Variants in SCTR observed in about 807,000 individuals in gnomAD.
The protein encoded by SCTR is pancreatic secretin receptor.
Under a neutral mutation model 60.8 loss-of-function variants are expected in SCTR, and 56 were observed. The ratio of observed to expected loss-of-function variants is 0.92; its 90% CI spans 0.74 to 1.15. SCTR has a LOEUF of 1.15. Ranked by LOEUF, SCTR falls within the 50% of genes most tolerant of loss-of-function variation. The pLI is 0.00. For synonymous variants in SCTR, 202 were observed against 217.0 expected (o/e 0.93, Z 0.61); for missense variants, 562 against 550.4 (o/e 1.02, Z -0.21).
At chr2:119,464,380 C>A in intron 5 of SCTR, 125 bp from the exon 6 acceptor site, 3 of 873,654 alleles carry the variant, frequency 3.4e-6, no homozygotes, top group Non-Finnish European at 3.6e-6. Flanking sequence ...CCGGGTAACA[C>A]ATTCTGTGAG....
chr2:119,523,761 G>T (rs1205289093), intron 1 of SCTR, among the ~76,000 whole-genome samples: 1 of 152,048 alleles, frequency 6.6e-6, no homozygotes, highest in Non-Finnish European at 1.5e-5. Context: ...GTAAAGTGAC[G>T]GTGATAATAG....
At chr2:119,511,041 CAA>C (rs1362103975) in intron 1 of SCTR, among the ~76,000 whole-genome samples, 1 of 143,202 alleles carries the variant, frequency 7.0e-6, no homozygotes. Flanking sequence ...ACTAAAAATA[CAA>C]AAAAAAAAAA....
rs376642791 is a variant in SCTR, at chr2:119,464,123, C to G, written c.636G>C (p.Arg212Ser). ...SDDVTYCDAH[R>S]AGCKLVMVLF... The stretch of plus-strand genomic sequence containing the variant: ...ATCCTGGGGCACCCAGACATATTAC[C>G]CTGTGGGCATCGCAGTAGGTGACAT... Residue 212 changes from arginine to serine, a missense_variant and splice_region_variant, in exon 6 of 13, where the codon AGG (arginine) becomes AGC (serine). Physicochemically the swap from Arg to Ser is moderately radical, Grantham distance 110. Transcript: ENST00000019103. 6.2e-7 allele frequency: 1 copy of G among 1,614,126 alleles called. No individual in the cohort carries two copies. The highest frequency in any genetic ancestry group is 8.5e-7 in the Non-Finnish European group (1 of 1,180,026).
intron 4 of SCTR, among the ~76,000 whole-genome samples, chr2:119,468,135 T>C (rs573961270): frequency 7.2e-5 from 11 of 152,252 alleles, no homozygotes; most frequent in Non-Finnish European, 1.3e-4. Flanking sequence ...CTTTGTATTA[T>C]AGGCTTGCAA....
intron 5 of SCTR, among the ~76,000 whole-genome samples, chr2:119,465,215 C>G (rs1175925609): frequency 6.6e-6 from 1 of 152,164 alleles, no homozygotes; most frequent in African/African-American, 2.4e-5. Context: ...GGGGAAGAGG[C>G]TCTTGTTGGC....
At position 119,462,748 on chromosome 2, in the gene SCTR, G is replaced by A. The variant is rs191697342; in HGVS notation, c.637-748C>T. On this transcript the variant is annotated intron_variant, in intron 6 of 12. Coordinates refer to ENST00000019103, the MANE Select transcript of SCTR (RefSeq NM_002980.3). ...GGACAGCTCCCGGGATAGCCGTAGGGCTGCTGCAAAGACAAGCCCGAGAAG... is the reference window on the plus strand; with the variant it reads ...GGACAGCTCCCGGGATAGCCGTAGGACTGCTGCAAAGACAAGCCCGAGAAG... Among the ~76,000 whole-genome samples the A allele has an allele frequency of 2.4e-3, 364 of 152,354 alleles. 3 individuals are homozygous for A. The highest frequency in any genetic ancestry group is 8.3e-3 in the African/African-American group (344 of 41,586).
intron 2 of SCTR, chr2:119,484,753 G>A (rs1043640697): frequency 3.0e-4 from 45 of 152,024 alleles, no homozygotes; most frequent in Middle Eastern, 3.2e-3. Flanking sequence ...AAAACTTCCT[G>A]GCTTAGGTTT....
rs138508985 is a variant in SCTR at position 119,497,788 on chromosome 2, G to A, written c.73-3240C>T. Among the ~76,000 whole-genome samples, 486 of 152,220 alleles carry A rather than the reference G, an allele frequency of 3.2e-3. 2 individuals are homozygous for A. Among genetic ancestry groups the A allele is most frequent in the Non-Finnish European group, 5.8e-3 (397 of 68,000 alleles). The stretch of plus-strand genomic sequence containing the variant: ...GAAGGGTGGATAGAGAAAAGAAGCA[G>A]TGACCTAGAAGATAGAACACTAGAA... On this transcript the variant is annotated intron_variant, in intron 1 of 12. Transcript: ENST00000019103.
chr2:119,498,670 T>G (rs1356944254), intron 1 of SCTR, among the ~76,000 whole-genome samples: 1 of 152,068 alleles, frequency 6.6e-6, no homozygotes, highest in Non-Finnish European at 1.5e-5. Flanking sequence ...TAGCCTATTA[T>G]AAGTTATGTA....
intron 5 of SCTR, among the ~76,000 whole-genome samples, chr2:119,465,259 GCAACTGC>G (rs1298531696): frequency 2.6e-5 from 4 of 152,200 alleles, no homozygotes; most frequent in African/African-American, 9.6e-5. Context: ...ATGAATGCCA[GCAACTGC>G]TGGTGGTTGT....
intron 6 of SCTR, among the ~76,000 whole-genome samples, chr2:119,463,142 A>G (rs1422784092): frequency 6.6e-6 from 1 of 152,132 alleles, no homozygotes; most frequent in Non-Finnish European, 1.5e-5. Flanking sequence ...GGTTGGCTGA[A>G]CTAATCTCAA....
Position 119,464,151 on chromosome 2 carries a change from T to A in SCTR, c.608A>T (p.Asp203Val), listed in dbSNP as rs756792745. 1.2e-6 allele frequency: 2 copies of A among 1,613,998 alleles called. No individual in the cohort carries two copies. Among genetic ancestry groups the A allele is most frequent in the African/African-American group, 2.7e-5 (2 of 74,904 alleles). Residue 203 changes from aspartate to valine, a missense_variant, in exon 6 of 13, where the codon GAT becomes GTT. Coordinates refer to ENST00000019103, the MANE Select transcript of SCTR (RefSeq NM_002980.3). ...FIKDAVLFSS[D>V]DVTYCDAHRA... ...GTGGGCATCGCAGTAGGTGACATCA[T>A]CTGAGGAGAAGAGCACGGCGTCCTT...
chr2:119,512,934 C>T (rs957336003), intron 1 of SCTR, among the ~76,000 whole-genome samples: 1 of 152,176 alleles, frequency 6.6e-6, no homozygotes, highest in African/African-American at 2.4e-5. Context: ...CCTTGAGGCA[C>T]TTTTCTCATG....
At chr2:119,522,736 A>G (rs1327009398) in intron 1 of SCTR, among the ~76,000 whole-genome samples, 2 of 152,178 alleles carry the variant, frequency 1.3e-5, no homozygotes, top group East Asian at 3.8e-4. Context: ...GAGGGTCCCA[A>G]GGAAGGAGCT....
chr2:119,498,743 TG>T (rs1269715668), intron 1 of SCTR, among the ~76,000 whole-genome samples: 3 of 152,020 alleles, frequency 2.0e-5, no homozygotes, highest in Non-Finnish European at 4.4e-5. Flanking sequence ...TCAAAAGCAC[TG>T]TAGATAAATC....
At chr2:119,478,765 G>A in intron 3 of SCTR, 46 bp downstream of exon 3, 1 of 1,595,924 alleles carries the variant, frequency 6.3e-7, no homozygotes, top group Admixed American at 1.7e-5. Context: ...CACCCAGAGG[G>A]ACACCCCTCA....
At chr2:119,456,144 T>A (rs961247518) in intron 7 of SCTR, among the ~76,000 whole-genome samples, 6 of 142,004 alleles carry the variant, frequency 4.2e-5, no homozygotes, top group Admixed American at 3.7e-4. Flanking sequence ...CTCTGCAACC[T>A]CCACCACCCG....
At chr2:119,450,880 T>TG (rs1166110225) in intron 9 of SCTR, among the ~76,000 whole-genome samples, 1 of 152,198 alleles carries the variant, frequency 6.6e-6, no homozygotes, top group East Asian at 1.9e-4. Flanking sequence ...GAGGGTCACC[T>TG]GAGCCCAGGA....
At chr2:119,448,985 A>G (rs1004740551) in intron 9 of SCTR, among the ~76,000 whole-genome samples, 4 of 151,352 alleles carry the variant, frequency 2.6e-5, no homozygotes, top group African/African-American at 7.3e-5. Context: ...TGGAGGCAGC[A>G]CTCCCTCCTG....
Sources: gnomAD v4.1 joint callset for allele counts (sites outside exome capture counted in the v4.1 genomes callset) on GRCh38, gnomAD v4.1.1 for gene constraint, MANE v1.5 for transcripts, NCBI Gene and HGNC (gene_info 2026-07-23, HGNC 2026-07-21) for gene names.